PCDHA1: variants seen among roughly 807,000 people sequenced by gnomAD.
The protein encoded by PCDHA1 is protocadherin alpha 1, also known as protocadherin alpha-1.
Under a neutral mutation model 61.3 loss-of-function variants are expected in PCDHA1, and 42 were observed. The observed-to-expected ratio is 0.69, with a 90% confidence interval of 0.54 to 0.89. The LOEUF is 0.89. Among genes scored for constraint, PCDHA1 ranks in the 40% least tolerant of loss-of-function variants. The pLI is 0.00. For synonymous variants in PCDHA1, 610 were observed against 553.8 expected, an observed-to-expected ratio of 1.10 and a Z score of -1.43; for missense variants, 1,256 against 1,235.3, an observed-to-expected ratio of 1.02 and a Z score of -0.25.
chr5:140,964,167 C>G (rs370784169), intron 1 of PCDHA1, among the ~76,000 whole-genome samples: 1 of 152,134 alleles, frequency 6.6e-6, no homozygotes, highest in Non-Finnish European at 1.5e-5. Flanking sequence ...GTGTGAGGAA[C>G]GAAATCATTA....
At chr5:140,969,337 AC>A in intron 1 of PCDHA1, 1 of 1,613,970 alleles carries the variant, frequency 6.2e-7, no homozygotes, top group East Asian at 2.2e-5. Flanking sequence ...ATGAGGTGAG[AC>A]AGTGGTCAGG....
At chr5:140,929,153 A>T in intron 1 of PCDHA1, 1 of 1,614,164 alleles carries the variant, frequency 6.2e-7, no homozygotes, top group African/African-American at 1.3e-5. Context: ...TCTCAGACTT[A>T]TCTCTATCGG....
chr5:140,843,463 G>T, intron 1 of PCDHA1: 1 of 1,596,032 alleles, frequency 6.3e-7, no homozygotes, highest in Non-Finnish European at 8.6e-7. Flanking sequence ...TGGTGCTCAC[G>T]CTGCTGCTGT....
chr5:140,869,748 A>G, intron 1 of PCDHA1: 1 of 1,613,334 alleles, frequency 6.2e-7, no homozygotes, highest in Admixed American at 1.7e-5. Flanking sequence ...TAACAGCTAC[A>G]GACGGGGGAA....
chr5:140,949,528 A>G (rs2094388709), intron 1 of PCDHA1, among the ~76,000 whole-genome samples: 1 of 151,854 alleles, frequency 6.6e-6, no homozygotes, highest in Non-Finnish European at 1.5e-5. Context: ...TTTTATCTTC[A>G]TAAAATATCG....
At chr5:140,898,961 G>A (rs1405112699) in intron 1 of PCDHA1, among the ~76,000 whole-genome samples, 1 of 152,036 alleles carries the variant, frequency 6.6e-6, no homozygotes, top group African/African-American at 2.4e-5. Flanking sequence ...AGTTGTGAAT[G>A]GGAGTTCACT....
chr5:140,990,649 T>A (rs1465284882), intron 3 of PCDHA1, among the ~76,000 whole-genome samples: 1 of 152,330 alleles, frequency 6.6e-6, no homozygotes, highest in South Asian at 2.1e-4. Context: ...TCAGCCAGTA[T>A]GAATGATTTA....
At chr5:140,827,839 G>A in intron 1 of PCDHA1, 1 of 453,654 alleles carries the variant, frequency 2.2e-6, no homozygotes, top group Non-Finnish European at 3.8e-6. Flanking sequence ...GAGAAAAGAA[G>A]ATACTGTTTT....
At chr5:140,857,857 C>A (rs1415276512) in intron 1 of PCDHA1, 1 of 1,597,670 alleles carries the variant, frequency 6.3e-7, no homozygotes, top group Non-Finnish European at 8.6e-7. Flanking sequence ...CTGGATACAA[C>A]GCGTGGCTGT....
intron 1 of PCDHA1, among the ~76,000 whole-genome samples, chr5:140,880,783 G>A (rs1296382612): frequency 6.6e-6 from 1 of 152,154 alleles, no homozygotes; most frequent in Non-Finnish European, 1.5e-5. Flanking sequence ...GAATGTTAGA[G>A]GAGTAATATA....
At chr5:140,842,303 C>T (rs1554138957) in intron 1 of PCDHA1, 2 of 1,608,454 alleles carry the variant, frequency 1.2e-6, no homozygotes, top group Non-Finnish European at 1.7e-6. Context: ...CAAAGGCCAT[C>T]CTCCCATGGC....
intron 1 of PCDHA1, chr5:140,816,772 C>T (rs1554127126): frequency 6.6e-6 from 1 of 151,970 alleles, no homozygotes; most frequent in Non-Finnish European, 1.5e-5. Flanking sequence ...TGTATAATTC[C>T]TAATTAGAGG....
chr5:140,848,641 C>T, intron 1 of PCDHA1: 1 of 1,593,240 alleles, frequency 6.3e-7, no homozygotes, highest in South Asian at 1.1e-5. Flanking sequence ...GGCCGCATCG[C>T]GCAGGACCTG....
At chr5:140,928,634 C>G in intron 1 of PCDHA1, 1 of 1,614,216 alleles carries the variant, frequency 6.2e-7, no homozygotes, top group Non-Finnish European at 8.5e-7. Flanking sequence ...CACTTGGTCA[C>G]AAAAGTGGTA....
chr5:140,819,746 AAG>A (rs1283118330), intron 1 of PCDHA1, among the ~76,000 whole-genome samples: 18 of 152,094 alleles, frequency 1.2e-4, no homozygotes, highest in Non-Finnish European at 2.4e-4. Flanking sequence ...ATCAAAAGTC[AAG>A]AGTCTTGTTT....
At position 141,011,465 on chromosome 5, in the gene PCDHA1, G is replaced by A. The variant is rs2098420693; in HGVS notation, c.*1528G>A. ...TGAACTTTAAGCTTTATTGTTGAAT[G>A]TAATTCCATTATATTTCCTTTTGTA... On this transcript the variant is annotated 3_prime_UTR_variant, in exon 4 of 4. Transcript: ENST00000504120. The A allele has an allele frequency of 6.5e-6, 1 of 153,770 alleles. No individual in the cohort carries two copies. The highest frequency in any genetic ancestry group is 2.4e-5 in the African/African-American group (1 of 41,452). The allele number at this position is 153,770 out of a possible 1,614,324, so 9.5% of individuals were successfully genotyped here.
intron 1 of PCDHA1, chr5:140,967,312 A>G (rs1554229425): frequency 5.0e-6 from 8 of 1,611,226 alleles, no homozygotes; most frequent in Admixed American, 1.7e-5. Context: ...CCAACTCAGT[A>G]CAGACCTACG....
chr5:140,877,326 G>C (rs781931363), intron 1 of PCDHA1: 3 of 1,613,964 alleles, frequency 1.9e-6, no homozygotes. Flanking sequence ...CGGTCGGCGC[G>C]CACATCCCGT....
intron 1 of PCDHA1, chr5:140,876,222 G>T (rs923525457): frequency 6.2e-7 from 1 of 1,613,972 alleles, no homozygotes; most frequent in Non-Finnish European, 8.5e-7. Flanking sequence ...ATAAAGTAGT[G>T]TTGTCTGAAA....
Sources: allele counts gnomAD v4.1 joint callset (sites outside exome capture counted in the v4.1 genomes callset), GRCh38; gene constraint gnomAD v4.1.1; transcripts MANE v1.5; gene names NCBI Gene and HGNC (gene_info 2026-07-23, HGNC 2026-07-21).